Variants in VBP1 observed in about 807,000 individuals in gnomAD.
VBP1 encodes VHL binding protein 1, also known as prefoldin subunit 3.
VBP1 carries 4 observed loss-of-function variants against 15.5 expected under a neutral mutation model. The observed-to-expected ratio is 0.26, with a 90% CI of 0.13 to 0.59. The LOEUF (loss-of-function observed/expected upper bound fraction) is 0.59, where lower values mean the gene tolerates loss of function less well. Ranked by LOEUF, VBP1 falls within the 20% of genes least tolerant of loss-of-function variation. The pLI is 0.90. For synonymous variants in VBP1, 61 were observed against 52.1 expected, an observed-to-expected ratio of 1.17 and a Z score of -0.74; for missense variants, 108 against 139.6, an observed-to-expected ratio of 0.77 and a Z score of 1.14.
At chrX:155,202,489 G>C (rs1367042875) in intron 1 of VBP1, among the ~76,000 whole-genome samples, 2 of 110,778 alleles carry the variant, frequency 1.8e-5, no homozygotes, top group Admixed American at 9.6e-5. Context: ...ACAAACCTGA[G>C]AAAAACAAGC....
chrX:155,235,478 G>A (rs1330985082), intron 4 of VBP1, among the ~76,000 whole-genome samples: 1 of 111,161 alleles, frequency 9.0e-6, no homozygotes, highest in African/African-American at 3.3e-5. Flanking sequence ...CCAGTGGTAA[G>A]TCAGGTGATA....
upstream of VBP1, among the ~76,000 whole-genome samples, chrX:155,214,650 T>C (rs1459892967): frequency 9.0e-6 from 1 of 111,268 alleles, no homozygotes; most frequent in Non-Finnish European, 1.9e-5. Context: ...TAAAGCAATC[T>C]AAAGATAAGC....
intron 4 of VBP1, among the ~76,000 whole-genome samples, 183 bp from the exon 5 acceptor site, chrX:155,236,046 C>T (rs1557311521): frequency 8.9e-6 from 1 of 112,339 alleles, no homozygotes; most frequent in East Asian, 2.8e-4. Context: ...GTCTCAACCA[C>T]TCAGTTTTGC....
At chrX:155,226,301 T>C (rs1316727352) in intron 2 of VBP1, among the ~76,000 whole-genome samples, 1 of 111,916 alleles carries the variant, frequency 8.9e-6, no homozygotes, top group Non-Finnish European at 1.9e-5. Flanking sequence ...GTTTTTCTCT[T>C]ATGTTCTTGT....
chrX:155,200,059 C>G (rs1424758042), intron 1 of VBP1, among the ~76,000 whole-genome samples: 1 of 99,767 alleles, frequency 1.0e-5, no homozygotes, highest in African/African-American at 3.6e-5. Flanking sequence ...GAAGAGCTAA[C>G]TATCCTAAAT....
intron 2 of VBP1, among the ~76,000 whole-genome samples, chrX:155,221,488 G>A (rs1292853530): frequency 5.4e-5 from 6 of 111,721 alleles, no homozygotes; most frequent in African/African-American, 2.0e-4. Flanking sequence ...GCAAAAGTGC[G>A]AGACCCAGTC....
intron 3 of VBP1, 107 bp downstream of exon 3, chrX:155,227,408 A>G (rs782435715): frequency 3.8e-6 from 2 of 532,998 alleles, no homozygotes; most frequent in South Asian, 7.8e-5. Flanking sequence ...TGTGGAATCC[A>G]GTCTGCCTTC....
At chrX:155,206,228 C>T (rs1557308028) in intron 1 of VBP1, among the ~76,000 whole-genome samples, 3 of 82,634 alleles carry the variant, frequency 3.6e-5, no homozygotes, top group Non-Finnish European at 7.8e-5. Flanking sequence ...GTGACTCAGT[C>T]TTGAGTAGAA....
chrX:155,216,644 A>T, intron 1 of VBP1, 69 bp downstream of exon 1: 1 of 1,150,412 alleles, frequency 8.7e-7, no homozygotes, highest in Non-Finnish European at 1.2e-6. Context: ...CCCGGCTCCC[A>T]CCCAGGCCTC....
upstream of VBP1, chrX:155,216,459 C>T: frequency 1.7e-6 from 2 of 1,163,734 alleles, no homozygotes; most frequent in Middle Eastern, 5.3e-4. Flanking sequence ...GCCCGGGAGG[C>T]AGTCGCGCGC....
At chrX:155,203,422 A>C (rs1426696420) in intron 1 of VBP1, among the ~76,000 whole-genome samples, 1 of 110,674 alleles carries the variant, frequency 9.0e-6, no homozygotes, top group African/African-American at 3.3e-5. Context: ...ATGGAATACT[A>C]TGCAGCCATA....
At chrX:155,232,530 G>A (rs1028249417) in intron 4 of VBP1, among the ~76,000 whole-genome samples, 1 of 112,066 alleles carries the variant, frequency 8.9e-6, no homozygotes, top group Admixed American at 9.4e-5. Flanking sequence ...GATAATGGGT[G>A]AGTGACTTCC....
intron 4 of VBP1, among the ~76,000 whole-genome samples, chrX:155,230,532 G>A (rs73569697): frequency 0.31 from 34,247 of 110,515 alleles, 4,274 homozygotes; most frequent in African/African-American, 0.46. Context: ...TTCCAGCACA[G>A]TGGTCAGATT....
intron 1 of VBP1, chrX:155,208,775 T>C: frequency 2.2e-6 from 1 of 447,452 alleles, no homozygotes; most frequent in Non-Finnish European, 3.6e-6. Context: ...ATATAATATT[T>C]ACTCTAGGGG....
chrX:155,212,745 GTCTGGGAGTCCCCAGGGCCATCAT>G (rs1389624066), upstream of VBP1, among the ~76,000 whole-genome samples: 1 of 111,900 alleles, frequency 8.9e-6, no homozygotes, highest in Non-Finnish European at 1.9e-5. Flanking sequence ...GCAGGGTAAT[GTCTGGGAGTCCCCAGGGCCATCAT>G]TCTGGCAGAT....
At chrX:155,215,367 A>C (rs1305593558), upstream of VBP1, among the ~76,000 whole-genome samples, 1 of 111,502 alleles carries the variant, frequency 9.0e-6, no homozygotes, top group Non-Finnish European at 1.9e-5. Context: ...GTTAGCTAAC[A>C]TGTCTTCATC....
At chrX:155,227,447 G>A in intron 3 of VBP1, 146 bp downstream of exon 3, 2 of 354,588 alleles carry the variant, frequency 5.6e-6, no homozygotes, top group Non-Finnish European at 9.6e-6. Context: ...GTTATGATGT[G>A]CTTCTGTAGC....
chrX:155,197,964 A>G (rs1441819291), intron 1 of VBP1, among the ~76,000 whole-genome samples: 1 of 112,540 alleles, frequency 8.9e-6, no homozygotes, highest in Non-Finnish European at 1.9e-5. Context: ...TATATCCTGC[A>G]CATGGCTTGG....
intron 1 of VBP1, among the ~76,000 whole-genome samples, chrX:155,208,669 A>G (rs1467792260): frequency 9.0e-6 from 1 of 111,364 alleles, no homozygotes; most frequent in Non-Finnish European, 1.9e-5. Context: ...GGTCTGTCAC[A>G]CTTTATCACT....
Sources: gnomAD v4.1 joint callset for allele counts (sites outside exome capture counted in the v4.1 genomes callset) on GRCh38, gnomAD v4.1.1 for gene constraint, MANE v1.5 for transcripts, NCBI Gene and HGNC (gene_info 2026-07-23, HGNC 2026-07-21) for gene names.